The following MAP3K15 variants were observed in gnomAD, a reference collection of about 807,000 sequenced individuals.
MAP3K15 encodes the protein MAPK/ERK kinase kinase 15.
A neutral mutation model predicts 99.5 loss-of-function variants in MAP3K15; 124 were observed. That is an observed-to-expected ratio of 1.25 (90% CI 1.08 to 1.45). The LOEUF is 1.45. MAP3K15 is among the 40% of genes most tolerant of loss of function. The pLI, the probability that MAP3K15 is intolerant of heterozygous loss-of-function variation, is 0.00. For missense variants in MAP3K15, 1,242 were observed against 1,079.7 expected (o/e 1.15, Z -2.11); for synonymous variants, 494 against 439.6 (o/e 1.12, Z -1.55).
chrX:19,388,164 T>C (rs1335280066), intron 18 of MAP3K15, among the ~76,000 whole-genome samples: 5 of 112,400 alleles, frequency 4.4e-5, no homozygotes, highest in Non-Finnish European at 1.9e-5. Context: ...CCTGAATCTT[T>C]TTTTTTGAGA....
chrX:19,496,193 A>G (rs1285566244), intron 1 of MAP3K15, among the ~76,000 whole-genome samples: 2 of 108,511 alleles, frequency 1.8e-5, no homozygotes, highest in Admixed American at 2.0e-4. Flanking sequence ...TAGCTTCCTG[A>G]GTAGCTGGGA....
At chrX:19,467,970 G>A (rs1270448590) in intron 3 of MAP3K15, among the ~76,000 whole-genome samples, 1 of 111,847 alleles carries the variant, frequency 8.9e-6, no homozygotes, top group South Asian at 3.7e-4. Flanking sequence ...GTTGCCCCCA[G>A]CCAGCACCCC....
intron 3 of MAP3K15, among the ~76,000 whole-genome samples, chrX:19,482,610 G>T (rs2064298876): frequency 8.9e-6 from 1 of 111,943 alleles, no homozygotes; most frequent in African/African-American, 3.3e-5. Context: ...AAGAGAGATT[G>T]TCTGCAAATA....
At chrX:19,414,439 T>G (rs1485347219) in intron 10 of MAP3K15, 1 of 201,088 alleles carries the variant, frequency 5.0e-6, no homozygotes, top group Non-Finnish European at 7.4e-6. Flanking sequence ...GGAAATGGCA[T>G]GTTCACAAAT....
intron 3 of MAP3K15, among the ~76,000 whole-genome samples, chrX:19,482,830 A>C (rs1437279035): frequency 8.9e-6 from 1 of 112,230 alleles, no homozygotes; most frequent in Non-Finnish European, 1.9e-5. Flanking sequence ...TCTGAAAAAG[A>C]GGTGAACACA....
intron 9 of MAP3K15, 99 bp from the exon 10 acceptor site, chrX:19,415,356 A>C: frequency 2.5e-6 from 2 of 806,872 alleles, no homozygotes; most frequent in South Asian, 6.6e-5. Flanking sequence ...TTATTCACTT[A>C]AATTCATATT....
At position 19,515,195 on chromosome X, in the gene MAP3K15, G is replaced by A; in HGVS notation, c.67C>T (p.Pro23Ser). 2 of 866,540 alleles carry A rather than the reference G, an allele frequency of 2.3e-6. No homozygotes were observed. The highest frequency in any genetic ancestry group is 2.8e-6 in the Non-Finnish European group (2 of 710,194). The allele number at this position is 866,540 out of a possible 1,213,427, so 71.4% of individuals were successfully genotyped here. ...GCGCCCTCCACCCCCGGCGGCGGCG[G>A]GCACTGAGGGGACTCGCTCGCCGCC... ...LGAASESPQC[P>S]PPPGVEGAAG... Residue 23 changes from proline (P) to serine (S), a missense_variant, in exon 1 of 29, where the codon CCG becomes TCG. Pro to Ser is a moderately conservative substitution (Grantham distance 74). Transcript: ENST00000338883.
intron 18 of MAP3K15, among the ~76,000 whole-genome samples, chrX:19,391,061 C>G (rs2063524303): frequency 9.0e-6 from 1 of 111,235 alleles, no homozygotes; most frequent in African/African-American, 3.3e-5. Flanking sequence ...TGTATACCAC[C>G]CTTTGAACCC....
intron 15 of MAP3K15, among the ~76,000 whole-genome samples, chrX:19,395,913 T>C (rs765978957): frequency 2.7e-5 from 3 of 112,197 alleles, no homozygotes; most frequent in Non-Finnish European, 5.6e-5. Context: ...CAATCTGTTG[T>C]TCTCTGAATA....
chrX:19,380,399 C>T, intron 18 of MAP3K15, 122 bp from the exon 19 acceptor site: 4 of 678,909 alleles, frequency 5.9e-6, no homozygotes, highest in Non-Finnish European at 8.7e-6. Context: ...TGTTGGAGAC[C>T]AGCCTGGACA....
At chrX:19,455,968 A>T (rs2064090073) in intron 6 of MAP3K15, among the ~76,000 whole-genome samples, 1 of 111,155 alleles carries the variant, frequency 9.0e-6, no homozygotes, top group South Asian at 3.9e-4. Context: ...ACAAGACTTT[A>T]TCAGGCTTAA....
intron 9 of MAP3K15, among the ~76,000 whole-genome samples, chrX:19,418,020 T>C (rs1351653376): frequency 3.6e-5 from 4 of 111,396 alleles, no homozygotes; most frequent in Non-Finnish European, 5.7e-5. Context: ...AGAAAGGACA[T>C]CCACACCAAA....
chrX:19,370,585 C>T (rs188544880), intron 24 of MAP3K15, among the ~76,000 whole-genome samples: 250 of 109,940 alleles, frequency 2.3e-3, no homozygotes, highest in Non-Finnish European at 3.4e-3. Flanking sequence ...TTAGTAGAGA[C>T]GGGGTTTCAC....
rs138390601 is a variant in MAP3K15 at position 19,400,773 on chromosome X, G to T, written c.1845-110C>A. ...TTAAATATAAACCAAACTTTTACAAGTCATGGAACAATCGATCCCCTCCTT... is the reference window on the plus strand; with the variant it reads ...TTAAATATAAACCAAACTTTTACAATTCATGGAACAATCGATCCCCTCCTT... On this transcript the variant is annotated intron_variant, in intron 13 of 28. Transcript: ENST00000338883. 6.3e-3 allele frequency: 3,121 copies of T among 498,470 alleles called. 86 individuals are homozygous for T. In the African/African-American group the frequency reaches 0.066, roughly 11 times the overall value. The allele number at this position is 498,470 out of a possible 1,213,427, so 41.1% of individuals were successfully genotyped here. A position where few individuals can be genotyped will look rare whatever the true frequency, so the allele number is the denominator to read the frequency against.
rs1195375656 is a variant in MAP3K15, at chrX:19,398,325, A to G, written c.1967T>C (p.Val656Ala). ...EYDHDANGER[V>A]VLGKGTYGIV... is the part of the protein sequence containing the mutation. ...CCCATACGTGCCTTTCCCCAAGACA[A>G]CTCTCTCACCATTTGCATCATGGTC... The change falls in exon 15 of 29, where the codon GTT becomes GCT. Residue 656 changes from valine (V) to alanine (A), a missense_variant. Val to Ala is a moderately conservative substitution (Grantham distance 64). Coordinates refer to ENST00000338883, the MANE Select transcript of MAP3K15 (RefSeq NM_001001671.4). 1.5e-5 allele frequency: 18 copies of G among 1,208,726 alleles called. No individual in the cohort carries two copies. Among genetic ancestry groups the G allele is most frequent in the Non-Finnish European group, 1.7e-5 (15 of 894,786 alleles).
At chrX:19,449,804 CT>C (rs1308108171) in intron 6 of MAP3K15, among the ~76,000 whole-genome samples, 1 of 109,507 alleles carries the variant, frequency 9.1e-6, no homozygotes, top group African/African-American at 3.3e-5. Flanking sequence ...GCTAAAAGCA[CT>C]TCTATAAATT....
At chrX:19,374,160 C>T (rs185588000) in intron 20 of MAP3K15, among the ~76,000 whole-genome samples, 2 of 111,124 alleles carry the variant, frequency 1.8e-5, no homozygotes, top group East Asian at 5.7e-4. Context: ...ATGGTGAAGA[C>T]GCAGAACCCC....
At chrX:19,393,348 G>C (rs1163079191) in intron 16 of MAP3K15, among the ~76,000 whole-genome samples, 1 of 111,857 alleles carries the variant, frequency 8.9e-6, no homozygotes, top group African/African-American at 3.2e-5. Flanking sequence ...GAAGAGTAAG[G>C]GGCCGGGCAC....
chrX:19,448,152 A>C (rs1207866176), intron 6 of MAP3K15, among the ~76,000 whole-genome samples: 2 of 108,207 alleles, frequency 1.8e-5, no homozygotes, highest in Non-Finnish European at 3.9e-5. Context: ...CTGAACTTCC[A>C]GTTTGGTCTT....
Sources: gnomAD v4.1 joint callset for allele counts (sites outside exome capture counted in the v4.1 genomes callset) on GRCh38, gnomAD v4.1.1 for gene constraint, MANE v1.5 for transcripts, NCBI Gene and HGNC (gene_info 2026-07-23, HGNC 2026-07-21) for gene names.